The following CHST11 variants were observed in gnomAD, a reference collection of about 807,000 sequenced individuals.
CHST11 encodes carbohydrate sulfotransferase 11, also known as C4S-1.
In CHST11, 9 loss-of-function variants were observed where a neutral mutation model predicts 30.4. The ratio of observed to expected loss-of-function variants is 0.30; its 90% CI spans 0.18 to 0.52. CHST11 has a LOEUF of 0.52. Ranked by LOEUF, CHST11 falls within the 20% of genes least tolerant of loss-of-function variation. The pLI is 0.97. For synonymous variants in CHST11, 152 were observed against 187.8 expected, an observed-to-expected ratio of 0.81 and a Z score of 1.56; for missense variants, 348 against 460.6, an observed-to-expected ratio of 0.76 and a Z score of 2.24.
intron 2 of CHST11, among the ~76,000 whole-genome samples, chr12:104,756,208 G>A (rs548473329): frequency 6.6e-6 from 1 of 152,304 alleles, no homozygotes; most frequent in East Asian, 1.9e-4. Flanking sequence ...CCGACAGTAG[G>A]GTGCCACCAC....
At chr12:104,590,170 T>G (rs1228635919) in intron 1 of CHST11, among the ~76,000 whole-genome samples, 2 of 152,164 alleles carry the variant, frequency 1.3e-5, no homozygotes, top group African/African-American at 4.8e-5. Context: ...CTTCTCCAGA[T>G]GGCCTGCACG....
At chr12:104,745,806 T>C (rs1336926558) in intron 2 of CHST11, among the ~76,000 whole-genome samples, 1 of 152,220 alleles carries the variant, frequency 6.6e-6, no homozygotes, top group African/African-American at 2.4e-5. Context: ...GAGACTTTGC[T>C]GAAGTTGTTT....
chr12:104,530,946 G>A (rs375611715), intron 1 of CHST11, among the ~76,000 whole-genome samples: 9 of 152,170 alleles, frequency 5.9e-5, no homozygotes, highest in Admixed American at 2.0e-4. Context: ...GAAATTTCAC[G>A]TGGATTTAAG....
intron 1 of CHST11, among the ~76,000 whole-genome samples, chr12:104,469,828 C>T (rs1240399083): frequency 2.0e-5 from 3 of 152,182 alleles, no homozygotes; most frequent in African/African-American, 7.2e-5. Context: ...AGGCCAGGCT[C>T]ACATTTGAAA....
intron 2 of CHST11, among the ~76,000 whole-genome samples, chr12:104,691,714 A>G (rs1020338055): frequency 6.6e-6 from 1 of 152,004 alleles, no homozygotes; most frequent in African/African-American, 2.4e-5. Flanking sequence ...GGTCTCGATC[A>G]TCTGACCTCA....
At chr12:104,585,734 C>T (rs1039636979) in intron 1 of CHST11, among the ~76,000 whole-genome samples, 25 of 152,174 alleles carry the variant, frequency 1.6e-4, no homozygotes, top group Non-Finnish European at 4.4e-5. Flanking sequence ...ATTTGTTCTC[C>T]CATGGTTCTA....
chr12:104,644,712 G>T (rs1442355863), intron 2 of CHST11, among the ~76,000 whole-genome samples: 1 of 152,234 alleles, frequency 6.6e-6, no homozygotes, highest in African/African-American at 2.4e-5. Flanking sequence ...CTGTCTCAGA[G>T]CCCGGTGGCA....
chr12:104,557,030 A>G (rs1364942095), intron 1 of CHST11, among the ~76,000 whole-genome samples: 2 of 151,984 alleles, frequency 1.3e-5, no homozygotes, highest in African/African-American at 2.4e-5. Flanking sequence ...GACACCAGTC[A>G]TTGGATATTG....
At position 104,678,981 on chromosome 12, in the gene CHST11, T is replaced by C. The variant is rs146105562; in HGVS notation, c.204+76990T>C. Among the ~76,000 whole-genome samples the C allele has an allele frequency of 2.6e-3, 390 of 152,310 alleles. 2 individuals are homozygous for C. Among genetic ancestry groups the C allele is most frequent in the African/African-American group, 8.9e-3 (370 of 41,568 alleles). On this transcript the variant is annotated intron_variant, in intron 2 of 2. Coordinates refer to ENST00000303694, the MANE Select transcript of CHST11 (RefSeq NM_018413.6). ...GCTCTAGCTCACACAGTCTCGCCGC[T>C]ATTTTTATCTCTCCTGAGATTCTCC...
At chr12:104,657,506 C>A (rs912226363) in intron 2 of CHST11, among the ~76,000 whole-genome samples, 3 of 151,840 alleles carry the variant, frequency 2.0e-5, no homozygotes, top group African/African-American at 7.3e-5. Flanking sequence ...GCACTTCTTT[C>A]TTCCCTGGCA....
At chr12:104,677,672 T>C (rs1031970136) in intron 2 of CHST11, among the ~76,000 whole-genome samples, 2 of 152,242 alleles carry the variant, frequency 1.3e-5, no homozygotes, top group African/African-American at 2.4e-5. Context: ...GGAAATTTGG[T>C]CCATTTGCAG....
chr12:104,577,445 T>C (rs148068347), intron 1 of CHST11, among the ~76,000 whole-genome samples: 2 of 152,136 alleles, frequency 1.3e-5, no homozygotes, highest in Non-Finnish European at 2.9e-5. Flanking sequence ...AATAAGTGCT[T>C]TCAGATGACA....
At chr12:104,684,919 C>A (rs12306264) in intron 2 of CHST11, among the ~76,000 whole-genome samples, 8,714 of 152,258 alleles carry the variant, frequency 0.057, 636 homozygotes, top group African/African-American at 0.17. Flanking sequence ...CAACCTCTTC[C>A]CTCCAAAGAC....
intron 2 of CHST11, among the ~76,000 whole-genome samples, chr12:104,678,776 A>G (rs756630478): frequency 1.6e-4 from 24 of 152,182 alleles, no homozygotes; most frequent in Non-Finnish European, 3.1e-4. Context: ...AGAGAGTGAC[A>G]ATGAGCATTA....
chr12:104,478,982 C>G (rs1156981938), intron 1 of CHST11, among the ~76,000 whole-genome samples: 2 of 151,960 alleles, frequency 1.3e-5, no homozygotes, highest in Admixed American at 6.6e-5. Context: ...ATGGAAGGAG[C>G]CTTTAAACAG....
intron 1 of CHST11, among the ~76,000 whole-genome samples, chr12:104,459,989 T>TA (rs1310501591): frequency 6.6e-6 from 1 of 152,224 alleles, no homozygotes; most frequent in Non-Finnish European, 1.5e-5. Context: ...ACACGGGGCA[T>TA]AAAAATATAC....
chr12:104,639,985 A>G (rs893017103), intron 2 of CHST11, among the ~76,000 whole-genome samples: 2 of 152,268 alleles, frequency 1.3e-5, no homozygotes, highest in Admixed American at 6.5e-5. Flanking sequence ...GATGCTCTAC[A>G]TCATATGTCG....
intron 1 of CHST11, among the ~76,000 whole-genome samples, chr12:104,522,387 C>T (rs1220004418): frequency 6.6e-6 from 1 of 152,194 alleles, no homozygotes; most frequent in Non-Finnish European, 1.5e-5. Context: ...CACCTCACTT[C>T]GTGTTTGGCA....
At chr12:104,531,479 AAGAGAG>A (rs199768769) in intron 1 of CHST11, among the ~76,000 whole-genome samples, 1 of 145,362 alleles carries the variant, frequency 6.9e-6, no homozygotes, top group Admixed American at 6.9e-5. Flanking sequence ...AAAAAAAAAA[AAGAGAG>A]AGAGAGAGAG....
Sources: gnomAD v4.1 joint callset for allele counts (sites outside exome capture counted in the v4.1 genomes callset) on GRCh38, gnomAD v4.1.1 for gene constraint, MANE v1.5 for transcripts, NCBI Gene and HGNC (gene_info 2026-07-23, HGNC 2026-07-21) for gene names.